The following CACNG4 variants were observed in gnomAD, a reference collection of about 807,000 sequenced individuals.
CACNG4 encodes voltage-dependent calcium channel gamma-4 subunit.
A neutral mutation model predicts 22.9 loss-of-function variants in CACNG4; 8 were observed. The ratio of observed to expected loss-of-function variants is 0.35; its 90% CI spans 0.21 to 0.63. CACNG4 has a LOEUF of 0.63. Ranked by LOEUF, CACNG4 falls within the 30% of genes least tolerant of loss-of-function variation. The pLI, the probability that CACNG4 is intolerant of heterozygous loss-of-function variation, is 0.72. For synonymous variants in CACNG4, 188 were observed against 191.9 expected (o/e 0.98, Z 0.17); for missense variants, 357 against 455.4 (o/e 0.78, Z 1.97).
chr17:66,987,855 C>A (rs2143301631), intron 1 of CACNG4, among the ~76,000 whole-genome samples: 2 of 152,110 alleles, frequency 1.3e-5, no homozygotes, highest in South Asian at 4.2e-4. Context: ...GAAGCGATCT[C>A]AGCGGTGCAT....
intron 1 of CACNG4, among the ~76,000 whole-genome samples, chr17:67,007,402 T>A (rs2035444126): frequency 6.6e-6 from 1 of 152,232 alleles, no homozygotes; most frequent in South Asian, 2.1e-4. Flanking sequence ...TCTAAAGACA[T>A]CTCCGAGAAA....
intron 1 of CACNG4, among the ~76,000 whole-genome samples, chr17:66,983,574 C>T (rs1021178217): frequency 2.0e-5 from 3 of 152,068 alleles, no homozygotes; most frequent in Admixed American, 6.5e-5. Context: ...ACCAGAACAA[C>T]GCACGATGCC....
chr17:67,030,872 C>G lies in CACNG4; in HGVS notation c.852C>G (p.Leu284=), dbSNP rs893917794. The G allele has an allele frequency of 3.1e-6, 5 of 1,612,764 alleles. 1 individual carries two copies. In the South Asian group the frequency reaches 5.5e-5, roughly 18 times the overall value. ...LSMYTLSREP[L]KVTTAASYSP... The stretch of plus-strand genomic sequence containing the variant: ...TGTACACGCTGTCCAGGGAGCCCCT[C>G]AAGGTGACCACCGCAGCCAGCTACA... The change falls in exon 4 of 4, where the codon CTC becomes CTG. Residue 284 remains leucine (L), a synonymous_variant. Transcript: ENST00000262138. The surrounding 1 kb of genome is among the most constrained non-coding windows in gnomAD (Gnocchi z 6.4).
intron 1 of CACNG4, among the ~76,000 whole-genome samples, chr17:66,985,403 G>A (rs1466630564): frequency 2.0e-5 from 3 of 152,218 alleles, no homozygotes; most frequent in Non-Finnish European, 2.9e-5. Context: ...TGAGTCTATT[G>A]TCCAAGAGAG....
intron 1 of CACNG4, among the ~76,000 whole-genome samples, chr17:67,006,736 C>T (rs560475056): frequency 2.8e-4 from 43 of 152,290 alleles, no homozygotes; most frequent in Admixed American, 3.9e-4. Flanking sequence ...GCAGGATCCA[C>T]GGGGCCTGGT....
chr17:67,012,107 T>G, intron 1 of CACNG4, among the ~76,000 whole-genome samples: 1 of 152,186 alleles, frequency 6.6e-6, no homozygotes, highest in Middle Eastern at 3.4e-3. Context: ...AAAGGCTGCA[T>G]TGGGGCGGTG....
intron 1 of CACNG4, among the ~76,000 whole-genome samples, chr17:66,981,439 G>T (rs1186792091): frequency 2.6e-5 from 4 of 151,552 alleles, no homozygotes; most frequent in Non-Finnish European, 1.5e-5. Flanking sequence ...GTTCTTCTTT[G>T]GTCTACCCAT....
chr17:66,988,702 A>G (rs2035320043), intron 1 of CACNG4, among the ~76,000 whole-genome samples: 1 of 151,804 alleles, frequency 6.6e-6, no homozygotes, highest in Admixed American at 6.6e-5. Flanking sequence ...TTAGACCAGA[A>G]TCTTCCTGAA....
chr17:67,008,874 T>C (rs1328852678), intron 1 of CACNG4, among the ~76,000 whole-genome samples: 1 of 152,020 alleles, frequency 6.6e-6, no homozygotes, highest in Non-Finnish European at 1.5e-5. Context: ...ACTTGAACCC[T>C]GGAGGTGGAA....
At chr17:67,004,812 T>C (rs8082132) in intron 1 of CACNG4, among the ~76,000 whole-genome samples, 6,365 of 152,202 alleles carry the variant, frequency 0.042, 349 homozygotes, top group African/African-American at 0.13. Flanking sequence ...CAGCCTCGAC[T>C]TCCCAGGCTC....
At chr17:66,974,690 A>G (rs2035225312) in intron 1 of CACNG4, among the ~76,000 whole-genome samples, 1 of 152,118 alleles carries the variant, frequency 6.6e-6, no homozygotes, top group Non-Finnish European at 1.5e-5. Flanking sequence ...AGGTGGAGAC[A>G]ATGACAGACT....
intron 1 of CACNG4, among the ~76,000 whole-genome samples, chr17:67,011,694 ATGAT>A (rs371898071): frequency 7.4e-4 from 113 of 152,318 alleles, no homozygotes; most frequent in African/African-American, 2.2e-3. Context: ...CGAGCAATGA[ATGAT>A]TGAGTGATGA....
rs553258701 is a variant in CACNG4, at chr17:66,976,657, C to T, written c.220+11526C>T. ...TTCTATCCCTGAGTCCTCCCTGCCC[C>T]GCCCCACCCCCAGGGTTCTGTGAAC... On this transcript the variant is annotated intron_variant, in intron 1 of 3. Transcript: ENST00000262138. 4.6e-5 allele frequency among the ~76,000 whole-genome samples: 7 copies of T among 152,206 alleles called. No homozygotes were observed. The East Asian group carries it at 1.4e-3, about 29-fold the overall frequency.
At chr17:66,983,587 G>T (rs981542476) in intron 1 of CACNG4, among the ~76,000 whole-genome samples, 1 of 152,156 alleles carries the variant, frequency 6.6e-6, no homozygotes, top group African/African-American at 2.4e-5. Flanking sequence ...ACGATGCCAG[G>T]CCCCAGGTCT....
intron 1 of CACNG4, among the ~76,000 whole-genome samples, chr17:67,001,963 C>T (rs2035410718): frequency 1.3e-5 from 2 of 152,188 alleles, no homozygotes; most frequent in South Asian, 4.1e-4. Context: ...TCTGGCGGCT[C>T]CTCACCAAGT....
chr17:66,989,430 C>T (rs2035325484), intron 1 of CACNG4, among the ~76,000 whole-genome samples: 1 of 151,506 alleles, frequency 6.6e-6, no homozygotes, highest in East Asian at 1.9e-4. Flanking sequence ...GGGTTGCCAG[C>T]AAACACCAGG....
chr17:67,012,673 C>T (rs1052122673), intron 1 of CACNG4, among the ~76,000 whole-genome samples: 1 of 152,146 alleles, frequency 6.6e-6, no homozygotes, highest in African/African-American at 2.4e-5. Context: ...TGCACGTGCG[C>T]GAGTGCAGAG....
intron 1 of CACNG4, among the ~76,000 whole-genome samples, chr17:66,979,144 G>C (rs1332731300): frequency 6.6e-6 from 1 of 152,106 alleles, no homozygotes; most frequent in Non-Finnish European, 1.5e-5. Context: ...TCCTTTTTGT[G>C]TGAGCATCCT....
chr17:66,973,487 T>G (rs1430886087), intron 1 of CACNG4, among the ~76,000 whole-genome samples: 1 of 152,156 alleles, frequency 6.6e-6, no homozygotes, highest in African/African-American at 2.4e-5. Context: ...GTGGCATGGC[T>G]CAGGAGCAGA....
Sources: gnomAD v4.1 joint callset for allele counts (sites outside exome capture counted in the v4.1 genomes callset) on GRCh38, gnomAD v4.1.1 for gene constraint, Gnocchi (gnomAD v3.1) non-coding constraint, MANE v1.5 for transcripts, NCBI Gene and HGNC (gene_info 2026-07-23, HGNC 2026-07-21) for gene names.